Variants in OR11L1 observed in about 807,000 individuals in gnomAD.
The protein encoded by OR11L1 is olfactory receptor family 11 subfamily L member 1, also known as olfactory receptor 11L1.
For synonymous variants in OR11L1, 164 were observed against 159.1 expected (o/e 1.03, Z -0.23); for missense variants, 397 against 392.7 (o/e 1.01, Z -0.09).
rs1048672204 is a variant in OR11L1 at position 247,841,263 on chromosome 1, A to G, written c.634T>C (p.Phe212Leu). The G allele has an allele frequency of 6.2e-6, 10 of 1,614,126 alleles. No individual in the cohort carries two copies. In the Admixed American group the frequency reaches 1.0e-4, roughly 16 times the overall value. Residue 212 changes from phenylalanine to leucine, a missense_variant, in exon 1 of 1, where the codon TTT (phenylalanine) becomes CTT (leucine). Transcript: ENST00000355784. ...LSIAVLCICF[F>L]LTLGPYVFIV... ...AAAACATAGGGCCCCAGTGTCAGAA[A>G]AAAACAAATGCACAGCACGGCAATT...
In OR11L1 at chr1:247,841,636, G is replaced by A. The variant is rs546885965; in HGVS notation, c.261C>T (p.Ser87=). The change falls in exon 1 of 1, where the codon TCC becomes TCT. Residue 87 remains serine, a synonymous_variant. Coordinates refer to ENST00000355784, the MANE Select transcript of OR11L1 (RefSeq NM_001001959.1). ...CAGAGAAGGAGATGGCTTGGCCCCA[G>A]GACAGCAGGTTGGCTAGGAGAAGGG... ...TVPLLLANLL[S]WGQAISFSAC... is the part of the protein sequence containing the mutation. The A allele has an allele frequency of 1.2e-6, 2 of 1,614,180 alleles. No individual in the cohort carries two copies. The highest frequency in any genetic ancestry group is 2.7e-5 in the African/African-American group (2 of 75,044).
At position 247,841,392 on chromosome 1, in the gene OR11L1, A is replaced by G. The variant is rs1257994411; in HGVS notation, c.505T>C (p.Cys169Arg). The G allele has an allele frequency of 5.6e-6, 9 of 1,614,214 alleles. No homozygotes were observed. Among genetic ancestry groups the G allele is most frequent in the Non-Finnish European group, 7.6e-6 (9 of 1,180,034 alleles). Residue 169 changes from cysteine (C) to arginine (R), a missense_variant, in exon 1 of 1, where the codon TGT becomes CGT. Physicochemically the swap from Cys to Arg is radical, Grantham distance 180. Transcript: ENST00000355784. ...PSLMISRLDF[C>R]GRNQINHFFC... ...AAATGGTTAATCTGATTGCGCCCAC[A>G]GAAGTCCAACCTGGAAATCATCAGG...
Position 247,840,936 on chromosome 1 carries a change from G to C in OR11L1, c.961C>G (p.Leu321Val). 1.2e-6 allele frequency: 2 copies of C among 1,606,672 alleles called. No individual in the cohort carries two copies. Among genetic ancestry groups the C allele is most frequent in the Non-Finnish European group, 1.7e-6 (2 of 1,175,478 alleles). ...TGTGCAATTTTCTTTACCTAATAAA[G>C]GAACTTCCTTTTACTTGTACTCCAT... Reference protein sequence around the residue: ...ILWSTSKRKFLY With the variant: ...ILWSTSKRKFVY The change falls in exon 1 of 1, where the codon CTT (leucine) becomes GTT (valine). Residue 321 changes from leucine (L) to valine (V), a missense_variant. By Grantham distance (32) the Leu-to-Val change is conservative. Transcript: ENST00000355784.
rs773206956 is a variant in OR11L1 at position 247,841,216 on chromosome 1, T to C, written c.681A>G (p.Arg227=). The C allele has an allele frequency of 1.2e-6, 2 of 1,614,044 alleles. No homozygotes were observed. The highest frequency in any genetic ancestry group is 1.1e-5 in the South Asian group (1 of 91,070). ...TTCTCCGGCCAGAGGTGGAAGGGATTCTCAATATGGAGGACACAATGAAAA... is the reference window on the plus strand; with the variant it reads ...TTCTCCGGCCAGAGGTGGAAGGGATCCTCAATATGGAGGACACAATGAAAA... ...PYVFIVSSIL[R]IPSTSGRRKT... is the part of the protein sequence containing the mutation. Residue 227 remains arginine, a synonymous_variant, in exon 1 of 1, where the codon AGA becomes AGG. Transcript: ENST00000355784.
rs1159630386 is a variant in OR11L1, at chr1:247,841,886, T to G, written c.11A>C (p.Gln4Pro). 6.2e-7 allele frequency: 1 copy of G among 1,611,470 alleles called. No homozygotes were observed. Residue 4 changes from glutamine to proline, a missense_variant, in exon 1 of 1, where the codon CAA becomes CCA. Coordinates refer to ENST00000355784, the MANE Select transcript of OR11L1 (RefSeq NM_001001959.1). The part of the protein sequence containing the change: MEP[Q>P]NTSTVTNFQL... Reference sequence around the variant, plus strand: ...AAAGTTAGTCACAGTGGAGGTATTTTGGGGCTCCATTGCCTGTGGGGGATG... The same window carrying G: ...AAAGTTAGTCACAGTGGAGGTATTTGGGGGCTCCATTGCCTGTGGGGGATG...
Position 247,841,395 on chromosome 1 carries a change from A to C in OR11L1, c.502T>G (p.Phe168Val). The C allele has an allele frequency of 6.2e-7, 1 of 1,614,200 alleles. No homozygotes were observed. Among genetic ancestry groups the C allele is most frequent in the Non-Finnish European group, 8.5e-7 (1 of 1,180,030 alleles). The change falls in exon 1 of 1, where the codon TTC becomes GTC. Residue 168 changes from phenylalanine (F) to valine (V), a missense_variant. Transcript: ENST00000355784. ...TGGTTAATCTGATTGCGCCCACAGA[A>C]GTCCAACCTGGAAATCATCAGGGAA... is the stretch of plus-strand genomic sequence containing the variant. ...LPSLMISRLD[F>V]CGRNQINHFF...
At position 247,841,248 on chromosome 1, in the gene OR11L1, G is replaced by T; in HGVS notation, c.649C>A (p.Pro217Thr). Residue 217 changes from proline to threonine, a missense_variant, in exon 1 of 1, where the codon CCC becomes ACC. By Grantham distance (38) the Pro-to-Thr change is conservative (BLOSUM62 -1). Coordinates refer to ENST00000355784, the MANE Select transcript of OR11L1 (RefSeq NM_001001959.1). ...LCICFFLTLG[P>T]YVFIVSSILR... ...ATGGAGGACACAATGAAAACATAGGGCCCCAGTGTCAGAAAAAAACAAATG... is the reference window on the plus strand; with the variant it reads ...ATGGAGGACACAATGAAAACATAGGTCCCCAGTGTCAGAAAAAAACAAATG... 1.2e-6 allele frequency: 2 copies of T among 1,614,076 alleles called. No individual in the cohort carries two copies. Among genetic ancestry groups the T allele is most frequent in the Non-Finnish European group, 1.7e-6 (2 of 1,179,948 alleles).
rs757435694 is a variant in OR11L1, at chr1:247,840,939, A to G, written c.958T>C (p.Phe320Leu). ...GCAATTTTCTTTACCTAATAAAGGA[A>G]CTTCCTTTTACTTGTACTCCATAGA... The part of the protein sequence containing the change: ...GILWSTSKRK[F>L]LY The change falls in exon 1 of 1, where the codon TTC (phenylalanine) becomes CTC (leucine). Residue 320 changes from phenylalanine to leucine, a missense_variant. Phe to Leu is a conservative substitution (Grantham distance 22). Transcript: ENST00000355784. 20 of 1,607,092 alleles carry G rather than the reference A, an allele frequency of 1.2e-5. No individual in the cohort carries two copies. The highest frequency in any genetic ancestry group is 1.7e-5 in the Non-Finnish European group (20 of 1,175,732).
rs1475636739 is a variant in OR11L1, at chr1:247,841,396, G to A, written c.501C>T (p.Asp167=). Residue 167 remains aspartate, a synonymous_variant, in exon 1 of 1, where the codon GAC becomes GAT. Transcript: ENST00000355784. Reference sequence around the variant, plus strand: ...GGTTAATCTGATTGCGCCCACAGAAGTCCAACCTGGAAATCATCAGGGAAG... The same window carrying A: ...GGTTAATCTGATTGCGCCCACAGAAATCCAACCTGGAAATCATCAGGGAAG... The part of the protein sequence containing the change: ...FLPSLMISRL[D]FCGRNQINHF... 8 of 1,614,068 alleles carry A rather than the reference G, an allele frequency of 5.0e-6. No homozygotes were observed. In the African/African-American group the frequency reaches 9.3e-5, roughly 19 times the overall value.
Position 247,841,113 on chromosome 1 carries a change from GAC to G in OR11L1, c.782_783del (p.Cys261SerfsTer8). On this transcript the variant is annotated frameshift_variant, in exon 1 of 1. Transcript: ENST00000355784. LOFTEE classifies it low-confidence loss of function (END_TRUNC). ...YYGTMISMYV[C>X]PSPHLLPEIN... ...ATTTCAGGCAACAGGTGGGGACTGG[GAC>G]ACACATACATGGAGATCATGGTCCC... 1 of 1,614,116 alleles carries G rather than the reference GAC, an allele frequency of 6.2e-7. No homozygotes were observed.
At position 247,841,359 on chromosome 1, in the gene OR11L1, C is replaced by T. The variant is rs781627784; in HGVS notation, c.538G>A (p.Asp180Asn). ...GAGAGCTGCATGAGTGGCGGGAGGT[C>T]GCAGAAGAAATGGTTAATCTGATTG... is the stretch of plus-strand genomic sequence containing the variant. Reference protein sequence around the residue: ...GRNQINHFFCDLPPLMQLSCS... With the variant: ...GRNQINHFFCNLPPLMQLSCS... The change falls in exon 1 of 1, where the codon GAC becomes AAC. Residue 180 changes from aspartate to asparagine, a missense_variant. Asp to Asn is a conservative substitution (Grantham distance 23). Coordinates refer to ENST00000355784, the MANE Select transcript of OR11L1 (RefSeq NM_001001959.1). The T allele has an allele frequency of 1.2e-5, 20 of 1,613,874 alleles. No individual in the cohort carries two copies. Among genetic ancestry groups the T allele is most frequent in the Middle Eastern group, 1.6e-4 (1 of 6,084 alleles).
Position 247,841,806 on chromosome 1 carries a change from A to T in OR11L1, c.91T>A (p.Phe31Ile). 6.2e-7 allele frequency: 1 copy of T among 1,614,160 alleles called. No individual in the cohort carries two copies. The highest frequency in any genetic ancestry group is 1.1e-5 in the South Asian group (1 of 91,076). The change falls in exon 1 of 1, where the codon TTC becomes ATC. Residue 31 changes from phenylalanine (F) to isoleucine (I), a missense_variant. Physicochemically the swap from Phe to Ile is conservative, Grantham distance 21 (BLOSUM62 0). Coordinates refer to ENST00000355784, the MANE Select transcript of OR11L1 (RefSeq NM_001001959.1). ...ATGGTCAGGCAGTAGATGAGCAGGA[A>T]AATGACAAAGAGCAGGGCCTGCCAT... ...LEWQALLFVI[F>I]LLIYCLTIIG...
rs1460038263 is a variant in OR11L1, at chr1:247,841,570, G to A, written c.327C>T (p.Ala109=). ...AQLYFFVFLG[A]TECFLLAFMA... ...TGAAGGCCAGGAGAAAGCACTCGGT[G>A]GCGCCGAGGAATACGAAGAAGTAGA... Residue 109 remains alanine (A), a synonymous_variant, in exon 1 of 1, where the codon GCC becomes GCT. Coordinates refer to ENST00000355784, the MANE Select transcript of OR11L1 (RefSeq NM_001001959.1). 6.8e-6 allele frequency: 11 copies of A among 1,614,032 alleles called. No individual in the cohort carries two copies. The highest frequency in any genetic ancestry group is 9.3e-6 in the Non-Finnish European group (11 of 1,179,926).
At position 247,841,810 on chromosome 1, in the gene OR11L1, G is replaced by T; in HGVS notation, c.87C>A (p.Val29=). 6.2e-7 allele frequency: 1 copy of T among 1,614,074 alleles called. No individual in the cohort carries two copies. The highest frequency in any genetic ancestry group is 1.1e-5 in the South Asian group (1 of 91,030). ...NLLEWQALLF[V]IFLLIYCLTI... is the part of the protein sequence containing the mutation. ...TCAGGCAGTAGATGAGCAGGAAAATGACAAAGAGCAGGGCCTGCCATTCAA... is the reference window on the plus strand; with the variant it reads ...TCAGGCAGTAGATGAGCAGGAAAATTACAAAGAGCAGGGCCTGCCATTCAA... The change falls in exon 1 of 1, where the codon GTC becomes GTA. Residue 29 remains valine (V), a synonymous_variant. Coordinates refer to ENST00000355784, the MANE Select transcript of OR11L1 (RefSeq NM_001001959.1).
At position 247,841,510 on chromosome 1, in the gene OR11L1, T is replaced by C. The variant is rs1334228976; in HGVS notation, c.387A>G (p.Pro129=). The C allele has an allele frequency of 6.2e-7, 1 of 1,613,456 alleles. No homozygotes were observed. Among genetic ancestry groups the C allele is most frequent in the Non-Finnish European group, 8.5e-7 (1 of 1,179,874 alleles). Residue 129 remains proline (P), a synonymous_variant, in exon 1 of 1, where the codon CCA becomes CCG. Transcript: ENST00000355784. ...AYDRYLAICS[P]LRYPFLMHRG... is the part of the protein sequence containing the mutation. ...GATGCATGAGGAAGGGGTAGCGGAG[T>C]GGGCTGCAGATGGCCAGGTAACGGT...
chr1:247,840,960 A>T lies in OR11L1; in HGVS notation c.937T>A (p.Trp313Arg). 1 of 1,613,928 alleles carries T rather than the reference A, an allele frequency of 6.2e-7. No individual in the cohort carries two copies. Among genetic ancestry groups the T allele is most frequent in the Non-Finnish European group, 8.5e-7 (1 of 1,179,822 alleles). The change falls in exon 1 of 1, where the codon TGG (tryptophan) becomes AGG (arginine). Residue 313 changes from tryptophan (W) to arginine (R), a missense_variant. Physicochemically the swap from Trp to Arg is moderately radical, Grantham distance 101. Coordinates refer to ENST00000355784, the MANE Select transcript of OR11L1 (RefSeq NM_001001959.1). ...KVMRRKCGIL[W>R]STSKRKFLY ...AGGAACTTCCTTTTACTTGTACTCC[A>T]TAGAATACCACATTTCCTTCTCATG...
Position 247,841,164 on chromosome 1 carries a change from G to T in OR11L1, c.733C>A (p.Leu245Met). 1 of 1,614,192 alleles carries T rather than the reference G, an allele frequency of 6.2e-7. No homozygotes were observed. Among genetic ancestry groups the T allele is most frequent in the South Asian group, 1.1e-5 (1 of 91,088 alleles). The change falls in exon 1 of 1, where the codon CTG becomes ATG. Residue 245 changes from leucine (L) to methionine (M), a missense_variant. Coordinates refer to ENST00000355784, the MANE Select transcript of OR11L1 (RefSeq NM_001001959.1). Reference sequence around the variant, plus strand: ...CCGTAGTAGAGAGTGACAACAGCCAGGTGGGAGCCACATGTGGAAAAGGTC... The same window carrying T: ...CCGTAGTAGAGAGTGACAACAGCCATGTGGGAGCCACATGTGGAAAAGGTC... Reference protein sequence around the residue: ...RKTFSTCGSHLAVVTLYYGTM... With the variant: ...RKTFSTCGSHMAVVTLYYGTM...
In OR11L1 at chr1:247,841,464, C is replaced by G; in HGVS notation, c.433G>C (p.Val145Leu). ...LMHRGLCARL[V>L]VVSWCTGVST... ...ACCCCTGTGCACCAGGAGACCACCA[C>G]CAACCTGGCACAGAGCCCACGATGC... Residue 145 changes from valine to leucine, a missense_variant, in exon 1 of 1, where the codon GTG becomes CTG. Physicochemically the swap from Val to Leu is conservative, Grantham distance 32. Transcript: ENST00000355784. The G allele has an allele frequency of 1.2e-6, 2 of 1,614,106 alleles. No individual in the cohort carries two copies. Among genetic ancestry groups the G allele is most frequent in the South Asian group, 1.1e-5 (1 of 91,078 alleles).
Position 247,841,334 on chromosome 1 carries a change from GA to G in OR11L1, c.562del (p.Ser188ProfsTer10). ...FCDLPPLMQL[S>X]CSRVYITEVT... ...CTCGGTGATATAAACTCTGGAACAG[GA>G]GAGCTGCATGAGTGGCGGGAGGTCG... is the stretch of plus-strand genomic sequence containing the variant. On this transcript the variant is annotated frameshift_variant, in exon 1 of 1. Coordinates refer to ENST00000355784, the MANE Select transcript of OR11L1 (RefSeq NM_001001959.1). LOFTEE classifies it low-confidence loss of function (END_TRUNC). 1 of 1,614,148 alleles carries G rather than the reference GA, an allele frequency of 6.2e-7. No individual in the cohort carries two copies. The highest frequency in any genetic ancestry group is 8.5e-7 in the Non-Finnish European group (1 of 1,180,014).
Sources: allele counts gnomAD v4.1 joint callset, GRCh38; gene constraint gnomAD v4.1.1; transcripts MANE v1.5; gene names NCBI Gene and HGNC (gene_info 2026-07-23, HGNC 2026-07-21).